Variants in FHIP2A observed in about 807,000 individuals in gnomAD.
FHIP2A encodes FHF complex subunit HOOK interacting protein 2A, also known as family with sequence similarity 160 member B1.
FHIP2A carries 46 observed loss-of-function variants against 93.5 expected under a neutral mutation model. That is an observed-to-expected ratio of 0.49 (90% confidence interval 0.39 to 0.63). The LOEUF is 0.63. FHIP2A is among the 20% of genes least tolerant of loss of function. The probability of loss-of-function intolerance (pLI) is 0.00; values close to 1 mark genes in which losing one functional copy is unlikely to be tolerated. For missense variants in FHIP2A, 769 were observed against 909.7 expected (o/e 0.85, Z 1.99); for synonymous variants, 332 against 326.5 (o/e 1.02, Z -0.18).
chr10:114,881,739 A>G (rs992428259), intron 16 of FHIP2A, among the ~76,000 whole-genome samples: 47 of 152,262 alleles, frequency 3.1e-4, no homozygotes, highest in African/African-American at 1.0e-3. Context: ...ACACATTTCA[A>G]GGATAGCTAG....
At chr10:114,849,003 A>G (rs952494742) in intron 13 of FHIP2A, among the ~76,000 whole-genome samples, 4 of 151,602 alleles carry the variant, frequency 2.6e-5, no homozygotes, top group South Asian at 2.1e-4. Flanking sequence ...TTAGCCAGGC[A>G]TGGTGACAGG....
chr10:114,860,819 A>G lies in FHIP2A; in HGVS notation c.2018A>G (p.His673Arg). The G allele has an allele frequency of 1.2e-6, 2 of 1,611,012 alleles. No homozygotes were observed. Among genetic ancestry groups the G allele is most frequent in the Non-Finnish European group, 1.7e-6 (2 of 1,177,166 alleles). Residue 673 changes from histidine (H) to arginine (R), a missense_variant, in exon 15 of 17, where the codon CAC becomes CGC. Physicochemically the swap from His to Arg is conservative, Grantham distance 29. Coordinates refer to ENST00000369248, the MANE Select transcript of FHIP2A (RefSeq NM_020940.4). ...TCTCTCTTCCCTCATCCACACATCC[A>G]CGAGTACCTTTTGGATCCTTACGTG... The part of the protein sequence containing the change: ...RLSLFPHPHI[H>R]EYLLDPYVNL...
chr10:114,870,104 G>A (rs1299758256), intron 16 of FHIP2A, among the ~76,000 whole-genome samples: 2 of 152,090 alleles, frequency 1.3e-5, no homozygotes, highest in South Asian at 2.1e-4. Flanking sequence ...TGTACAGCTT[G>A]CCATTGCTAT....
At chr10:114,889,768 GT>G (rs1370771523) in intron 16 of FHIP2A, among the ~76,000 whole-genome samples, 1 of 152,214 alleles carries the variant, frequency 6.6e-6, no homozygotes, top group East Asian at 1.9e-4. Flanking sequence ...TGAAGGGCGT[GT>G]CCTTTGGGCC....
downstream of FHIP2A, among the ~76,000 whole-genome samples, chr10:114,865,374 A>G (rs930975552): frequency 2.0e-5 from 3 of 152,172 alleles, no homozygotes; most frequent in African/African-American, 7.2e-5. Context: ...ACTTAAAACA[A>G]TTAGACTCTA....
At position 114,899,364 on chromosome 10, in the gene FHIP2A, A is replaced by G. The variant is rs188897229; in HGVS notation, c.2193-126A>G. 11 of 623,732 alleles carry G rather than the reference A, an allele frequency of 1.8e-5. No individual in the cohort carries two copies. The African/African-American group carries it at 1.9e-4, about 11-fold the overall frequency. The allele number at this position is 623,732 out of a possible 1,614,324, so 38.6% of individuals were successfully genotyped here. Reference sequence around the variant, plus strand: ...CTAGTGTAAGCACAAAATAATATGTATTGGTTTACATAGTTGAAAGTCCAG... The same window carrying G: ...CTAGTGTAAGCACAAAATAATATGTGTTGGTTTACATAGTTGAAAGTCCAG... On this transcript the variant is annotated intron_variant, in intron 16 of 16. Coordinates refer to the FHIP2A transcript ENST00000369250.
In FHIP2A at chr10:114,863,667, A is replaced by G; in HGVS notation, c.*2127A>G. On this transcript the variant is annotated 3_prime_UTR_variant, in exon 17 of 17. Transcript: ENST00000369248. ...TATTTAGTTCAGACCTAGAGCCAGT[A>G]GAAGCTCTCACAGTGAGTTCAATTT... 7.7e-7 allele frequency: 1 copy of G among 1,302,170 alleles called. No homozygotes were observed. The allele number at this position is 1,302,170 out of a possible 1,614,324, so 80.7% of individuals were successfully genotyped here.
chr10:114,899,528 GT>G (rs1195220844), exon 17 of FHIP2A: 1 of 718,430 alleles, frequency 1.4e-6, no homozygotes, highest in Non-Finnish European at 2.6e-6. Context: ...GGATTCCAGA[GT>G]CTCTTATGTC....
At chr10:114,868,163 C>T (rs2083839829), downstream of FHIP2A, among the ~76,000 whole-genome samples, 1 of 152,062 alleles carries the variant, frequency 6.6e-6, no homozygotes, top group Non-Finnish European at 1.5e-5. Context: ...TGACCTTCCT[C>T]TTCTCTCTAG....
intron 14 of FHIP2A, among the ~76,000 whole-genome samples, chr10:114,855,895 A>T (rs1020496806): frequency 3.3e-5 from 5 of 152,230 alleles, no homozygotes; most frequent in African/African-American, 1.2e-4. Context: ...TGTACATCTC[A>T]TCTGACTGTT....
intron 16 of FHIP2A, among the ~76,000 whole-genome samples, chr10:114,891,572 T>TGTGTGTGTGTGTGC (rs764864142): frequency 4.9e-4 from 71 of 143,882 alleles, no homozygotes; most frequent in African/African-American, 1.5e-3. Context: ...TGTGTGTGTG[T>TGTGTGTGTGTGTGC]GCACGCGTAT....
rs775852499 is a variant in FHIP2A at position 114,846,332 on chromosome 10, A to G, written c.1363A>G (p.Arg455Gly). 3 of 1,614,164 alleles carry G rather than the reference A, an allele frequency of 1.9e-6. No individual in the cohort carries two copies. The highest frequency in any genetic ancestry group is 2.5e-6 in the Non-Finnish European group (3 of 1,179,994). ...AATCAGCAGACATCCTTTAAGGCATAGGTTAATTGAACATTGTGATCACAT... is the reference window on the plus strand; with the variant it reads ...AATCAGCAGACATCCTTTAAGGCATGGGTTAATTGAACATTGTGATCACAT... ...AEISRHPLRH[R>G]LIEHCDHISD... is the part of the protein sequence containing the mutation. Residue 455 changes from arginine to glycine, a missense_variant, in exon 10 of 17, where the codon AGG becomes GGG. Coordinates refer to ENST00000369248, the MANE Select transcript of FHIP2A (RefSeq NM_020940.4).
At chr10:114,829,008 C>G (rs2083593027) in intron 1 of FHIP2A, among the ~76,000 whole-genome samples, 1 of 152,086 alleles carries the variant, frequency 6.6e-6, no homozygotes, top group South Asian at 2.1e-4. Flanking sequence ...ACAGGGTTGC[C>G]AGCTCTGAGG....
At chr10:114,836,832 G>A (rs1438332400) in intron 5 of FHIP2A, among the ~76,000 whole-genome samples, 1 of 152,066 alleles carries the variant, frequency 6.6e-6, no homozygotes, top group Non-Finnish European at 1.5e-5. Flanking sequence ...TTTCAGCAGT[G>A]AAGTCATTTT....
intron 16 of FHIP2A, among the ~76,000 whole-genome samples, chr10:114,875,943 AG>A (rs747379335): frequency 1.1e-3 from 161 of 151,530 alleles, no homozygotes; most frequent in Non-Finnish European, 1.8e-3. Flanking sequence ...AGAAAGAAAA[AG>A]AACAGAAAGA....
At chr10:114,877,966 T>G (rs1036343827) in intron 16 of FHIP2A, among the ~76,000 whole-genome samples, 13 of 152,162 alleles carry the variant, frequency 8.5e-5, no homozygotes, top group African/African-American at 3.1e-4. Flanking sequence ...GAGAAGAAAA[T>G]CTACATTGGC....
chr10:114,867,500 T>C (rs539906910), downstream of FHIP2A, among the ~76,000 whole-genome samples: 101 of 152,308 alleles, frequency 6.6e-4, 3 homozygotes, highest in South Asian at 0.021. Flanking sequence ...ACCCAAAGAT[T>C]AGGGGTAAGA....
chr10:114,823,154 CAAT>C (rs1377718145), intron 1 of FHIP2A, among the ~76,000 whole-genome samples: 1 of 152,142 alleles, frequency 6.6e-6, no homozygotes, highest in African/African-American at 2.4e-5. Context: ...TCAGATACAA[CAAT>C]GATTTTTTAT....
chr10:114,827,832 A>G (rs1454929711), intron 1 of FHIP2A, among the ~76,000 whole-genome samples: 5 of 151,504 alleles, frequency 3.3e-5, no homozygotes, highest in Admixed American at 6.6e-5. Flanking sequence ...CAAGGCATAT[A>G]TAGGGACTCC....
Sources: gnomAD v4.1 joint callset for allele counts (sites outside exome capture counted in the v4.1 genomes callset) on GRCh38, gnomAD v4.1.1 for gene constraint, MANE v1.5 for transcripts, NCBI Gene and HGNC (gene_info 2026-07-23, HGNC 2026-07-21) for gene names.